THSD7B: variants seen among roughly 807,000 people sequenced by gnomAD.
THSD7B encodes thrombospondin type 1 domain containing 7B, also known as thrombospondin type-1 domain-containing protein 7B.
Under a neutral mutation model 213.6 loss-of-function variants are expected in THSD7B, and 138 were observed. That is an observed-to-expected ratio of 0.65 (90% CI 0.56 to 0.74). The LOEUF is 0.74. Among genes scored for constraint, THSD7B ranks in the 30% least tolerant of loss-of-function variants. The pLI is 0.00. For missense variants in THSD7B, 1,931 were observed against 1,991.5 expected, an observed-to-expected ratio of 0.97 and a Z score of 0.58; for synonymous variants, 742 against 687.0, an observed-to-expected ratio of 1.08 and a Z score of -1.25.
At position 137,460,581 on chromosome 2, in the gene THSD7B, G is replaced by A. The variant is rs1687865095; in HGVS notation, c.3138+9558G>A. On this transcript the variant is annotated intron_variant, in intron 15 of 27. Transcript: ENST00000409968. ...TGTTGTCACTGCTTCCTGTATGGAA[G>A]CAGTCTGTTTTATTTTATTCCTAAA... Among the ~76,000 whole-genome samples, 2 of 152,092 alleles carry A rather than the reference G, an allele frequency of 1.3e-5. 1 individual carries two copies. Among genetic ancestry groups the A allele is most frequent in the South Asian group, 4.1e-4 (2 of 4,834 alleles).
intron 12 of THSD7B, among the ~76,000 whole-genome samples, chr2:137,335,781 G>A (rs761937218): frequency 1.4e-4 from 22 of 152,136 alleles, no homozygotes; most frequent in South Asian, 2.1e-4. Flanking sequence ...AGAGAATGGT[G>A]ATTAGAATTC....
intron 12 of THSD7B, among the ~76,000 whole-genome samples, chr2:137,396,867 A>G (rs1235320497): frequency 2.6e-5 from 4 of 151,530 alleles, no homozygotes; most frequent in African/African-American, 7.3e-5. Flanking sequence ...ATGCATATAT[A>G]TTTAGGATAG....
intron 12 of THSD7B, among the ~76,000 whole-genome samples, chr2:137,332,006 A>C (rs1573966073): frequency 6.6e-6 from 1 of 152,150 alleles, no homozygotes; most frequent in East Asian, 1.9e-4. Context: ...ACCTCCCTGC[A>C]AGCTGAGGGA....
intron 15 of THSD7B, among the ~76,000 whole-genome samples, chr2:137,487,041 G>A (rs1472767459): frequency 1.3e-5 from 2 of 151,790 alleles, no homozygotes; most frequent in Non-Finnish European, 2.9e-5. Context: ...AGAGAAAGCA[G>A]AAAAGATCCA....
chr2:137,144,523 A>G (rs764638460), intron 5 of THSD7B, among the ~76,000 whole-genome samples: 7 of 152,006 alleles, frequency 4.6e-5, no homozygotes, highest in African/African-American at 7.2e-5. Context: ...GGGGAATTTA[A>G]CTTAATATAT....
At chr2:136,996,016 T>C (rs2104820109) in intron 2 of THSD7B, among the ~76,000 whole-genome samples, 1 of 152,332 alleles carries the variant, frequency 6.6e-6, no homozygotes, top group African/African-American at 2.4e-5. Context: ...CATCTTTACT[T>C]TTTATTTCAT....
chr2:137,294,583 C>CAAAAAAAAAAAAAAAAAAAAAAA (rs1210363889), intron 12 of THSD7B, among the ~76,000 whole-genome samples: 25 of 73,214 alleles, frequency 3.4e-4, no homozygotes, highest in Middle Eastern at 9.3e-3. Context: ...AACTCCATCT[C>CAAAAAAAAAAAAAAAAAAAAAAA]AAAAAAAAAA....
intron 2 of THSD7B, among the ~76,000 whole-genome samples, chr2:136,921,051 G>A (rs562313108): frequency 6.6e-6 from 1 of 152,112 alleles, no homozygotes; most frequent in East Asian, 1.9e-4. Flanking sequence ...GCACCCGGGA[G>A]TGCGGCCTTC....
At chr2:137,335,192 T>C (rs1216766822) in intron 12 of THSD7B, among the ~76,000 whole-genome samples, 1 of 152,234 alleles carries the variant, frequency 6.6e-6, no homozygotes, top group Non-Finnish European at 1.5e-5. Flanking sequence ...AGTTAATGAT[T>C]GCATATGAGC....
chr2:136,806,737 G>A (rs528617359), intron 1 of THSD7B, among the ~76,000 whole-genome samples: 17 of 152,152 alleles, frequency 1.1e-4, no homozygotes, highest in East Asian at 1.9e-4. Flanking sequence ...TACTTTCTGC[G>A]CTTCATTTTT....
At chr2:137,278,400 G>A (rs1365003993) in intron 12 of THSD7B, among the ~76,000 whole-genome samples, 8 of 152,078 alleles carry the variant, frequency 5.3e-5, no homozygotes, top group Non-Finnish European at 4.4e-5. Context: ...TCTTCTAAAT[G>A]TGGAATGAGA....
At chr2:137,059,002 T>G (rs916865018) in intron 3 of THSD7B, among the ~76,000 whole-genome samples, 1 of 152,182 alleles carries the variant, frequency 6.6e-6, no homozygotes, top group Admixed American at 6.5e-5. Flanking sequence ...CTAACTGTTA[T>G]AAAAATAAAT....
intron 17 of THSD7B, among the ~76,000 whole-genome samples, chr2:137,592,278 A>T (rs912415917): frequency 1.3e-5 from 2 of 151,734 alleles, no homozygotes; most frequent in East Asian, 1.9e-4. Context: ...TCTCCCTCAA[A>T]TTTTTTGTAT....
At chr2:137,439,220 C>T (rs566711454) in intron 14 of THSD7B, among the ~76,000 whole-genome samples, 1 of 152,158 alleles carries the variant, frequency 6.6e-6, no homozygotes, top group South Asian at 2.1e-4. Context: ...TAATTTGATA[C>T]AGCAGTTCTA....
chr2:137,069,462 T>C (rs1025778832), intron 3 of THSD7B, among the ~76,000 whole-genome samples: 5 of 152,012 alleles, frequency 3.3e-5, no homozygotes, highest in Non-Finnish European at 7.4e-5. Context: ...ATCAATGGGT[T>C]TTACTTTTAC....
chr2:137,116,087 C>G (rs1206266715), intron 5 of THSD7B, among the ~76,000 whole-genome samples: 1 of 152,150 alleles, frequency 6.6e-6, no homozygotes, highest in Admixed American at 6.5e-5. Flanking sequence ...AGGCAAGATG[C>G]AAATTTTCTT....
chr2:137,647,156 C>T (rs886667569), intron 21 of THSD7B, among the ~76,000 whole-genome samples: 2 of 152,192 alleles, frequency 1.3e-5, no homozygotes, highest in Non-Finnish European at 2.9e-5. Flanking sequence ...GCTGTCATGA[C>T]TGCTTTAGCA....
intron 15 of THSD7B, among the ~76,000 whole-genome samples, chr2:137,501,325 A>G (rs1489422939): frequency 6.6e-6 from 1 of 152,158 alleles, no homozygotes; most frequent in East Asian, 1.9e-4. Context: ...ATTTCTTTTT[A>G]TGAAGTATCT....
At chr2:137,454,111 T>G (rs1310811656) in intron 15 of THSD7B, among the ~76,000 whole-genome samples, 1 of 152,190 alleles carries the variant, frequency 6.6e-6, no homozygotes, top group Non-Finnish European at 1.5e-5. Context: ...ATTTCAAATT[T>G]TTGTAGTAAA....
Sources: allele counts gnomAD v4.1 joint callset (sites outside exome capture counted in the v4.1 genomes callset), GRCh38; gene constraint gnomAD v4.1.1; transcripts MANE v1.5; gene names NCBI Gene and HGNC (gene_info 2026-07-23, HGNC 2026-07-21).